The following FAT3 variants were observed in gnomAD, a reference collection of about 807,000 sequenced individuals.
The protein encoded by FAT3 is protocadherin Fat 3.
Under a neutral mutation model 310.2 loss-of-function variants are expected in FAT3, and 95 were observed. The observed-to-expected ratio is 0.31, with a 90% CI of 0.26 to 0.36. The LOEUF is 0.36. Among genes scored for constraint, FAT3 ranks in the 10% least tolerant of loss-of-function variants. The probability of loss-of-function intolerance (pLI) is 1.00; values close to 1 mark genes in which losing one functional copy is unlikely to be tolerated. For missense variants in FAT3, 5,408 were observed against 5,715.6 expected, an observed-to-expected ratio of 0.95 and a Z score of 1.74; for synonymous variants, 2,314 against 2,192.9, an observed-to-expected ratio of 1.06 and a Z score of -1.54.
At position 92,895,649 on chromosome 11, in the gene FAT3, G is replaced by A. The variant is rs76671661; in HGVS notation, c.*4536G>A. 6.6e-6 allele frequency: 1 copy of A among 152,182 alleles called. No homozygotes were observed. Among genetic ancestry groups the A allele is most frequent in the Admixed American group, 6.5e-5 (1 of 15,276 alleles). 9.4% of individuals were successfully genotyped at this position (152,182 alleles called of 1,614,324 possible). On this transcript the variant is annotated 3_prime_UTR_variant, in exon 28 of 28. Coordinates refer to ENST00000525166, the MANE Select transcript of FAT3 (RefSeq NM_001367949.2). ...ATGAGCCCACACTACTGCATTTTGGGAGTGGCAAATGTGTTTGGAAATGGA... is the reference window on the plus strand; with the variant it reads ...ATGAGCCCACACTACTGCATTTTGGAAGTGGCAAATGTGTTTGGAAATGGA...
At chr11:92,314,199 A>G (rs779396439) in intron 1 of FAT3, 3 of 527,782 alleles carry the variant, frequency 5.7e-6, no homozygotes, top group Non-Finnish European at 7.3e-6. Context: ...ACTTGGTCCA[A>G]TCCTAGGAAT....
intron 23 of FAT3, 140 bp from the exon 24 acceptor site, chr11:92,882,598 C>A: frequency 1.8e-6 from 1 of 557,914 alleles, no homozygotes; most frequent in Non-Finnish European, 2.8e-6. Flanking sequence ...CCCCCCCCAC[C>A]AACCATCTTT....
At chr11:92,376,784 G>A (rs1367049945) in intron 2 of FAT3, among the ~76,000 whole-genome samples, 1 of 152,156 alleles carries the variant, frequency 6.6e-6, no homozygotes, top group Non-Finnish European at 1.5e-5. Context: ...CTTCTGAGTT[G>A]CTCAGATTTG....
chr11:92,405,539 T>G (rs544948767), intron 2 of FAT3, among the ~76,000 whole-genome samples: 104 of 152,310 alleles, frequency 6.8e-4, no homozygotes, highest in African/African-American at 2.4e-3. Flanking sequence ...GTAGGATCAC[T>G]TGAGCCCAAG....
intron 10 of FAT3, among the ~76,000 whole-genome samples, chr11:92,803,459 G>C (rs1947421204): frequency 6.6e-6 from 1 of 152,248 alleles, no homozygotes; most frequent in Non-Finnish European, 1.5e-5. Context: ...GCATTTAATA[G>C]AGAGGTTAAG....
chr11:92,351,238 G>C (rs568969941), intron 1 of FAT3, among the ~76,000 whole-genome samples: 1 of 152,200 alleles, frequency 6.6e-6, no homozygotes, highest in East Asian at 1.9e-4. Flanking sequence ...TTTGTAACTT[G>C]ACACTTTGTT....
rs936366304 is a variant in FAT3, at chr11:92,602,471, C to T, written c.3607+77523C>T. On this transcript the variant is annotated intron_variant, in intron 3 of 27. Coordinates refer to ENST00000525166, the MANE Select transcript of FAT3 (RefSeq NM_001367949.2). ...GATGGGGAGACAGGAACAGATTGGC[C>T]GGTTAGCCTGTTCAAGATGACAGAT... Among the ~76,000 whole-genome samples the T allele has an allele frequency of 5.9e-5, 9 of 152,110 alleles. No homozygotes were observed. The East Asian group carries it at 9.6e-4, about 16-fold the overall frequency.
intron 4 of FAT3, among the ~76,000 whole-genome samples, chr11:92,754,170 A>G (rs1003025480): frequency 1.3e-5 from 2 of 152,096 alleles, no homozygotes; most frequent in Non-Finnish European, 2.9e-5. Context: ...AATAAAGACA[A>G]TATTTTCCTA....
Position 92,762,091 on chromosome 11 carries a change from G to C in FAT3, c.3905G>C (p.Gly1302Ala), listed in dbSNP as rs1191647233. 18 of 1,613,854 alleles carry C rather than the reference G, an allele frequency of 1.1e-5. No individual in the cohort carries two copies. The highest frequency in any genetic ancestry group is 1.5e-5 in the Non-Finnish European group (18 of 1,179,868). The change falls in exon 5 of 28, where the codon GGA becomes GCA. Residue 1302 changes from glycine (G) to alanine (A), a missense_variant. By Grantham distance (60) the Gly-to-Ala change is moderately conservative (BLOSUM62 0). Coordinates refer to ENST00000525166, the MANE Select transcript of FAT3 (RefSeq NM_001367949.2). The part of the protein sequence containing the change: ...SYSIVDGNDD[G>A]KFFIDPKTGM... ...AGTATTGTGGATGGGAATGATGACG[G>C]AAAGTTCTTTATTGACCCTAAAACT...
At position 92,792,874 on chromosome 11, in the gene FAT3, G is replaced by A. The variant is rs745526724; in HGVS notation, c.4719G>A (p.Ala1573=). Residue 1573 remains alanine (A), a synonymous_variant, in exon 9 of 28, where the codon GCG becomes GCA. Transcript: ENST00000525166. ...ATTTTACCAACCCACTGTATGAAGCGTCTGTGTTTGAATCTGCTGCTCTGG... is the reference window on the plus strand; with the variant it reads ...ATTTTACCAACCCACTGTATGAAGCATCTGTGTTTGAATCTGCTGCTCTGG... ...SPYFTNPLYE[A]SVFESAALGS... The A allele has an allele frequency of 4.3e-5, 69 of 1,613,710 alleles. 1 individual carries two copies. Among genetic ancestry groups the A allele is most frequent in the South Asian group, 1.3e-4 (12 of 91,082 alleles).
chr11:92,795,276 T>C (rs1359967093), intron 9 of FAT3, among the ~76,000 whole-genome samples: 1 of 152,164 alleles, frequency 6.6e-6, no homozygotes, highest in East Asian at 1.9e-4. Context: ...ATATTTTTTT[T>C]AGATTTACCT....
intron 1 of FAT3, among the ~76,000 whole-genome samples, chr11:92,321,377 C>G (rs898365273): frequency 1.3e-5 from 2 of 151,250 alleles, no homozygotes; most frequent in African/African-American, 4.9e-5. Context: ...GCGGAGCTTG[C>G]AGTGAGCCGA....
rs182726565 is a variant in FAT3 at position 92,333,917 on chromosome 11, A to G, written c.-17-18179A>G. Among the ~76,000 whole-genome samples, 38 of 152,176 alleles carry G rather than the reference A, an allele frequency of 2.5e-4. 1 individual carries two copies. The highest frequency in any genetic ancestry group is 7.9e-4 in the African/African-American group (33 of 41,516). The stretch of plus-strand genomic sequence containing the variant: ...TCCCCCCCAACAAAAGCTAAAAGGG[A>G]GAAAAACTTTTGCATTTTCTCCTCA... On this transcript the variant is annotated intron_variant, in intron 1 of 27. Coordinates refer to ENST00000525166, the MANE Select transcript of FAT3 (RefSeq NM_001367949.2).
chr11:92,666,554 G>T (rs1447293332), intron 3 of FAT3, among the ~76,000 whole-genome samples: 2 of 150,984 alleles, frequency 1.3e-5, no homozygotes, highest in Non-Finnish European at 2.9e-5. Flanking sequence ...TAGAGACGGG[G>T]TTTCACCATG....
chr11:92,857,159 A>G (rs1949000783), intron 19 of FAT3, 55 bp from the exon 20 acceptor site: 1 of 1,612,402 alleles, frequency 6.2e-7, no homozygotes, highest in Admixed American at 1.7e-5. Flanking sequence ...TCTTCCCTGG[A>G]GTGCAGGGTG....
chr11:92,661,205 G>C (rs1425693903), intron 3 of FAT3, among the ~76,000 whole-genome samples: 1 of 152,210 alleles, frequency 6.6e-6, no homozygotes. Flanking sequence ...TCCAGGGAAG[G>C]CCCATGTGGT....
intron 4 of FAT3, among the ~76,000 whole-genome samples, chr11:92,709,256 A>AT (rs1352957284): frequency 6.6e-6 from 1 of 152,142 alleles, no homozygotes; most frequent in Non-Finnish European, 1.5e-5. Flanking sequence ...TCTAATGGGA[A>AT]TTTTTTTATG....
intron 22 of FAT3, among the ~76,000 whole-genome samples, chr11:92,877,077 G>A (rs1949550145): frequency 6.6e-6 from 1 of 152,194 alleles, no homozygotes; most frequent in African/African-American, 2.4e-5. Context: ...GCCCATAGAA[G>A]TGAGGAGAAT....
intron 1 of FAT3, among the ~76,000 whole-genome samples, chr11:92,348,906 G>C (rs763580813): frequency 2.8e-4 from 42 of 152,144 alleles, no homozygotes; most frequent in Non-Finnish European, 7.3e-5. Flanking sequence ...TTAGTACTTA[G>C]GGTTCTGTTC....
Sources: allele counts gnomAD v4.1 joint callset (sites outside exome capture counted in the v4.1 genomes callset), GRCh38; gene constraint gnomAD v4.1.1; transcripts MANE v1.5; gene names NCBI Gene and HGNC (gene_info 2026-07-23, HGNC 2026-07-21).